PTPRM: variants seen among roughly 807,000 people sequenced by gnomAD.
The protein encoded by PTPRM is protein tyrosine phosphatase receptor type M, also known as receptor-type tyrosine-protein phosphatase mu.
PTPRM carries 47 observed loss-of-function variants against 186.7 expected under a neutral mutation model. That is an observed-to-expected ratio of 0.25 (90% CI 0.20 to 0.32). PTPRM has a LOEUF of 0.32. Among genes scored for constraint, PTPRM ranks in the 10% least tolerant of loss-of-function variants. PTPRM has a pLI of 1.00. For missense variants in PTPRM, 1,494 were observed against 1,865.0 expected, an observed-to-expected ratio of 0.80 and a Z score of 3.66; for synonymous variants, 668 against 674.9, an observed-to-expected ratio of 0.99 and a Z score of 0.16.
rs1310492507 is a variant in PTPRM at position 8,269,552 on chromosome 18, T to G, written c.2754+16138T>G. Among the ~76,000 whole-genome samples the G allele has an allele frequency of 2.0e-5, 3 of 151,958 alleles. No individual in the cohort carries two copies. The East Asian group carries it at 5.8e-4, about 29-fold the overall frequency. On this transcript the variant is annotated intron_variant, in intron 19 of 32. Coordinates refer to ENST00000580170, the MANE Select transcript of PTPRM (RefSeq NM_001105244.2). The stretch of plus-strand genomic sequence containing the variant: ...AGGAAAAAAAATTCTAAAATTTGTA[T>G]GGAACTACAAAGGACCCCAAATAGC...
intron 11 of PTPRM, among the ~76,000 whole-genome samples, chr18:8,093,373 TA>T (rs1264704336): frequency 6.5e-4 from 99 of 152,334 alleles, no homozygotes; most frequent in African/African-American, 2.3e-3. Flanking sequence ...GCCTTAGCAG[TA>T]GTTCTCATTA....
At chr18:7,728,822 A>G (rs1013520456) in intron 1 of PTPRM, among the ~76,000 whole-genome samples, 17 of 152,174 alleles carry the variant, frequency 1.1e-4, no homozygotes, top group African/African-American at 3.9e-4. Context: ...GTCCTAGACT[A>G]TTTGTAAACT....
At chr18:7,950,005 T>C (rs1287039769) in intron 6 of PTPRM, among the ~76,000 whole-genome samples, 2 of 152,110 alleles carry the variant, frequency 1.3e-5, no homozygotes. Flanking sequence ...ACAGGATAAT[T>C]TGGACTTTGA....
At chr18:7,894,586 A>T (rs567327210) in intron 3 of PTPRM, among the ~76,000 whole-genome samples, 1 of 151,936 alleles carries the variant, frequency 6.6e-6, no homozygotes, top group African/African-American at 2.4e-5. Flanking sequence ...ACTCCGTCTC[A>T]GGAAAAATAT....
chr18:7,706,616 A>C (rs2040096950), intron 1 of PTPRM, among the ~76,000 whole-genome samples: 2 of 149,514 alleles, frequency 1.3e-5, no homozygotes, highest in African/African-American at 4.9e-5. Context: ...AAAAAAAAAA[A>C]AAAAAAAAAA....
chr18:8,349,071 G>A (rs2095520586), intron 23 of PTPRM, among the ~76,000 whole-genome samples: 1 of 152,114 alleles, frequency 6.6e-6, no homozygotes, highest in Admixed American at 6.5e-5. Flanking sequence ...AGTTTACTAT[G>A]AACACTAGAC....
intron 1 of PTPRM, among the ~76,000 whole-genome samples, chr18:7,584,921 G>T (rs565689886): frequency 6.6e-5 from 10 of 152,326 alleles, no homozygotes; most frequent in African/African-American, 2.2e-4. Context: ...CAAGATGAGG[G>T]TTTGTCGTTA....
intron 14 of PTPRM, among the ~76,000 whole-genome samples, chr18:8,167,160 CCACAAATGAATGGT>C (rs1156266068): frequency 6.6e-6 from 1 of 152,166 alleles, no homozygotes; most frequent in Non-Finnish European, 1.5e-5. Flanking sequence ...TTGAAATATG[CCACAAATGAATGGT>C]CATCTTCACG....
chr18:7,818,039 G>A (rs969772896), intron 2 of PTPRM, among the ~76,000 whole-genome samples: 7 of 152,172 alleles, frequency 4.6e-5, no homozygotes, highest in Admixed American at 4.6e-4. Flanking sequence ...TAGGGATTTT[G>A]CAAGTTATTC....
chr18:7,975,581 A>G (rs959937853), intron 7 of PTPRM, among the ~76,000 whole-genome samples: 5 of 152,230 alleles, frequency 3.3e-5, no homozygotes, highest in African/African-American at 1.2e-4. Context: ...TGCATATAAG[A>G]TGGTAGTCCT....
chr18:8,241,045 T>G (rs1470784989), intron 14 of PTPRM, among the ~76,000 whole-genome samples: 1 of 152,124 alleles, frequency 6.6e-6, no homozygotes, highest in East Asian at 1.9e-4. Context: ...AGCAATTTGG[T>G]GGCCAGGCGC....
intron 1 of PTPRM, among the ~76,000 whole-genome samples, chr18:7,711,476 A>C (rs2144783493): frequency 6.6e-6 from 1 of 152,242 alleles, no homozygotes; most frequent in Non-Finnish European, 1.5e-5. Flanking sequence ...AATGCCAGAG[A>C]GACAGAACCA....
chr18:8,245,212 G>A (rs73939411), intron 15 of PTPRM, among the ~76,000 whole-genome samples: 21,987 of 152,034 alleles, frequency 0.14, 1,693 homozygotes, highest in African/African-American at 0.19. Context: ...GTCAATGCAC[G>A]TGCCTGTCCC....
At chr18:8,176,248 C>G (rs530333596) in intron 14 of PTPRM, among the ~76,000 whole-genome samples, 2 of 151,472 alleles carry the variant, frequency 1.3e-5, no homozygotes, top group East Asian at 1.9e-4. Context: ...GACATAATAT[C>G]GAAGTTATTT....
chr18:7,666,497 T>G (rs1156756480), intron 1 of PTPRM, among the ~76,000 whole-genome samples: 1 of 152,348 alleles, frequency 6.6e-6, no homozygotes, highest in Middle Eastern at 3.4e-3. Context: ...CTTTGAGTTA[T>G]TTAATAGAAA....
intron 1 of PTPRM, among the ~76,000 whole-genome samples, chr18:7,659,237 C>G (rs149487940): frequency 0.017 from 2,627 of 151,854 alleles, 77 homozygotes; most frequent in African/African-American, 0.059. Flanking sequence ...CGTTTGTCTC[C>G]TGCTACTAGT....
chr18:7,833,782 CAAA>C lies in PTPRM; in HGVS notation c.197-54322_197-54320del, dbSNP rs774362798. Among the ~76,000 whole-genome samples the C allele has an allele frequency of 1.1e-4, 15 of 135,492 alleles. 1 individual carries two copies. Among genetic ancestry groups the C allele is most frequent in the African/African-American group, 2.5e-4 (9 of 35,792 alleles). 88.9% of individuals were successfully genotyped at this position (135,492 alleles called of 152,430 possible). On this transcript the variant is annotated intron_variant, in intron 2 of 32. Transcript: ENST00000580170. ...ACAACAACAACAACAACAACAACAACAAAAGCAATGCATATTGATTTTTGTAGG... is the reference window on the plus strand; with the variant it reads ...ACAACAACAACAACAACAACAACAACAGCAATGCATATTGATTTTTGTAGG...
intron 7 of PTPRM, among the ~76,000 whole-genome samples, chr18:7,965,019 C>T (rs1382151543): frequency 6.7e-6 from 1 of 150,140 alleles, no homozygotes; most frequent in East Asian, 1.9e-4. Context: ...GAGGGTTCTG[C>T]CCCCACTCTA....
rs1006786991 is a variant in PTPRM at position 7,948,175 on chromosome 18, A to G, written c.664-1006A>G. Among the ~76,000 whole-genome samples, 6 of 141,308 alleles carry G rather than the reference A, an allele frequency of 4.2e-5. No homozygotes were observed. In the East Asian group the frequency reaches 1.0e-3, roughly 24 times the overall value. The allele number at this position is 141,308 out of a possible 152,430, so 92.7% of individuals were successfully genotyped here. On this transcript the variant is annotated intron_variant, in intron 5 of 32. Transcript: ENST00000580170. ...CACACACACACACACACACACACAC[A>G]CAGGTTTCCGCTTTCAGGGCTAGAT...
Sources: gnomAD v4.1 joint callset for allele counts (sites outside exome capture counted in the v4.1 genomes callset) on GRCh38, gnomAD v4.1.1 for gene constraint, MANE v1.5 for transcripts, NCBI Gene and HGNC (gene_info 2026-07-23, HGNC 2026-07-21) for gene names.